NACC1: variants seen among roughly 807,000 people sequenced by gnomAD.
NACC1 encodes the protein nucleus accumbens-associated protein 1.
NACC1 carries 6 observed loss-of-function variants against 41.7 expected under a neutral mutation model. That is an observed-to-expected ratio of 0.14 (90% CI 0.08 to 0.28). The LOEUF (loss-of-function observed/expected upper bound fraction) is 0.28. Among genes scored for constraint, NACC1 ranks in the 10% least tolerant of loss-of-function variants. The pLI, the probability that NACC1 is intolerant of heterozygous loss-of-function variation, is 1.00. For synonymous variants in NACC1, 338 were observed against 330.6 expected, an observed-to-expected ratio of 1.02 and a Z score of -0.24; for missense variants, 434 against 763.7, an observed-to-expected ratio of 0.57 and a Z score of 5.09.
intron 1 of NACC1, among the ~76,000 whole-genome samples, chr19:13,121,957 C>T (rs1247522228): frequency 3.3e-5 from 5 of 152,232 alleles, no homozygotes; most frequent in South Asian, 4.1e-4. Context: ...CCTGTGCCGC[C>T]TTCCAGCCAC....
At position 13,138,714 on chromosome 19, in the gene NACC1, G is replaced by T; in HGVS notation, c.*308G>T. On this transcript the variant is annotated 3_prime_UTR_variant, in exon 6 of 6. Transcript: ENST00000292431. This position sits in a 1 kb window ranked among gnomAD's most constrained non-coding sequence, Gnocchi z 5.7. ...CACTCACCAGGCCCACCAGGGGAGG[G>T]GGCTGGCCTGGGGGTCTTGGGAAGG... 2.5e-6 allele frequency: 1 copy of T among 401,584 alleles called. No individual in the cohort carries two copies. 24.9% of individuals were successfully genotyped at this position (401,584 alleles called of 1,614,324 possible).
At position 13,133,733 on chromosome 19, in the gene NACC1, G is replaced by A. The variant is rs764139904; in HGVS notation, c.-8-1467G>A. On this transcript the variant is annotated intron_variant, in intron 1 of 5. Coordinates refer to ENST00000292431, the MANE Select transcript of NACC1 (RefSeq NM_052876.4). Reference sequence around the variant, plus strand: ...TATTGTGAATAATGCTGCTGTGAACGTTTGTTTACAGGTTTTCAATGCAGG... The same window carrying A: ...TATTGTGAATAATGCTGCTGTGAACATTTGTTTACAGGTTTTCAATGCAGG... Among the ~76,000 whole-genome samples the A allele has an allele frequency of 4.6e-5, 7 of 152,128 alleles. No individual in the cohort carries two copies. The South Asian group carries it at 1.0e-3, about 23-fold the overall frequency.
chr19:13,135,784 G>A lies in NACC1; in HGVS notation c.577G>A (p.Ala193Thr). The A allele has an allele frequency of 1.9e-6, 3 of 1,557,612 alleles. No homozygotes were observed. Among genetic ancestry groups the A allele is most frequent in the Non-Finnish European group, 2.6e-6 (3 of 1,152,368 alleles). ...KRLWDSGQKE[A>T]GGGGNGSRKM... is the part of the protein sequence containing the mutation. ...GCTGTGGGACAGTGGCCAGAAGGAG[G>A]CTGGGGGCGGCGGCAATGGCAGCCG... The change falls in exon 2 of 6, where the codon GCT becomes ACT. Residue 193 changes from alanine (A) to threonine (T), a missense_variant. Around this residue, in one of 4 missense-constraint regions of NACC1, gnomAD observed 234 missense variants for 308.3 expected, o/e 0.76. Transcript: ENST00000292431.
chr19:13,138,377 G>C lies in NACC1; in HGVS notation c.1555G>C (p.Ala519Pro). The change falls in exon 6 of 6, where the codon GCG becomes CCG. Residue 519 changes from alanine (A) to proline (P), a missense_variant. Coordinates refer to ENST00000292431, the MANE Select transcript of NACC1 (RefSeq NM_052876.4). The surrounding 1 kb of genome is among the most constrained non-coding windows in gnomAD (Gnocchi z 5.7). Reference protein sequence around the residue: ...GFETASHEGEAGPSAEALQ With the variant: ...GFETASHEGEPGPSAEALQ ...CGAGACCGCCAGCCACGAGGGCGAG[G>C]CGGGTCCCTCGGCTGAAGCCCTGCA... 1 of 1,612,738 alleles carries C rather than the reference G, an allele frequency of 6.2e-7. No homozygotes were observed. Among genetic ancestry groups the C allele is most frequent in the Non-Finnish European group, 8.5e-7 (1 of 1,179,962 alleles).
At chr19:13,121,570 T>G (rs1009995971) in intron 1 of NACC1, among the ~76,000 whole-genome samples, 2 of 152,026 alleles carry the variant, frequency 1.3e-5, no homozygotes, top group Admixed American at 6.6e-5. Context: ...ATTGAAGGAG[T>G]CTGCCTGGAG....
chr19:13,133,900 A>G (rs901271469), intron 1 of NACC1, among the ~76,000 whole-genome samples: 1 of 152,136 alleles, frequency 6.6e-6, no homozygotes, highest in Non-Finnish European at 1.5e-5. Flanking sequence ...AGCAGTGGAA[A>G]TGGGTTCTGG....
In NACC1 at chr19:13,135,450, C is replaced by T; in HGVS notation, c.243C>T (p.Ile81=). 1 of 1,613,124 alleles carries T rather than the reference C, an allele frequency of 6.2e-7. No individual in the cohort carries two copies. The highest frequency in any genetic ancestry group is 8.5e-7 in the Non-Finnish European group (1 of 1,179,610). ...AAVQPQSFQQ[I]LSFCYTGRLS... Reference sequence around the variant, plus strand: ...TGCAGCCCCAGTCTTTCCAGCAGATCCTCAGCTTCTGCTACACGGGCCGGC... The same window carrying T: ...TGCAGCCCCAGTCTTTCCAGCAGATTCTCAGCTTCTGCTACACGGGCCGGC... The change falls in exon 2 of 6, where the codon ATC becomes ATT. Residue 81 remains isoleucine (I), a synonymous_variant. Transcript: ENST00000292431.
At position 13,136,053 on chromosome 19, in the gene NACC1, G is replaced by C. The variant is rs760172169; in HGVS notation, c.846G>C (p.Glu282Asp). 2 of 1,614,168 alleles carry C rather than the reference G, an allele frequency of 1.2e-6. No homozygotes were observed. Among genetic ancestry groups the C allele is most frequent in the Non-Finnish European group, 8.5e-7 (1 of 1,180,028 alleles). Reference protein sequence around the residue: ...SDSPGSYHNEEDEEEDGGEEG... With the variant: ...SDSPGSYHNEDDEEEDGGEEG... ...GCCCTGGCTCCTACCACAATGAGGA[G>C]GACGAGGAGGAGGATGGTGGCGAGG... The change falls in exon 2 of 6, where the codon GAG (glutamate) becomes GAC (aspartate). Residue 282 changes from glutamate (E) to aspartate (D), a missense_variant. This residue lies in a region of NACC1 where 234 missense variants were observed against 308.3 expected (regional missense o/e 0.76). Transcript: ENST00000292431. This position sits in a 1 kb window ranked among gnomAD's most constrained non-coding sequence, Gnocchi z 5.5.
At chr19:13,118,681 C>T (rs1346133343) in intron 1 of NACC1, among the ~76,000 whole-genome samples, 2 of 150,866 alleles carry the variant, frequency 1.3e-5, no homozygotes, top group African/African-American at 2.4e-5. Flanking sequence ...CTGGACCGCT[C>T]CCCCGTCTCC....
At chr19:13,133,066 A>G (rs1243113378) in intron 1 of NACC1, among the ~76,000 whole-genome samples, 2 of 152,126 alleles carry the variant, frequency 1.3e-5, no homozygotes, top group East Asian at 1.9e-4. Context: ...GGCAGATCTG[A>G]GTGGAGTTGC....
rs894463059 is a variant in NACC1 at position 13,138,610 on chromosome 19, C to G, written c.*204C>G. The G allele has an allele frequency of 1.4e-6, 1 of 707,044 alleles. No homozygotes were observed. Among genetic ancestry groups the G allele is most frequent in the Admixed American group, 2.9e-5 (1 of 34,338 alleles). 43.8% of individuals were successfully genotyped at this position (707,044 alleles called of 1,614,324 possible). A position where few individuals can be genotyped will look rare whatever the true frequency, so the allele number is the denominator to read the frequency against. The stretch of plus-strand genomic sequence containing the variant: ...GACCGCAGGGCAGGTGGCGTGAGGT[C>G]CGTGTTGCCTTCTTTAACACACACT... On this transcript the variant is annotated 3_prime_UTR_variant, in exon 6 of 6. Coordinates refer to ENST00000292431, the MANE Select transcript of NACC1 (RefSeq NM_052876.4). This position sits in a 1 kb window ranked among gnomAD's most constrained non-coding sequence, Gnocchi z 5.7.
rs2145629992 is a variant in NACC1, at chr19:13,140,687, A to T, written c.*2281A>T. ...AGGGGAGGAAACTCCTCACCAGGAGAGCCAAAGACAGGGTTGTGCCTTACC... is the reference window on the plus strand; with the variant it reads ...AGGGGAGGAAACTCCTCACCAGGAGTGCCAAAGACAGGGTTGTGCCTTACC... On this transcript the variant is annotated 3_prime_UTR_variant, in exon 6 of 6. Coordinates refer to ENST00000292431, the MANE Select transcript of NACC1 (RefSeq NM_052876.4). The surrounding 1 kb of genome is among the most constrained non-coding windows in gnomAD (Gnocchi z 4.0). The T allele has an allele frequency of 6.6e-6, 1 of 152,358 alleles. No individual in the cohort carries two copies. The highest frequency in any genetic ancestry group is 3.4e-3 in the Middle Eastern group (1 of 294). 9.4% of individuals were successfully genotyped at this position (152,358 alleles called of 1,614,324 possible). A position where few individuals can be genotyped will look rare whatever the true frequency, so the allele number is the denominator to read the frequency against.
intron 1 of NACC1, 110 bp from the exon 2 acceptor site, chr19:13,135,074 TCCATCGTGCGGATGTC>T: frequency 7.1e-7 from 1 of 1,412,280 alleles, no homozygotes; most frequent in Non-Finnish European, 9.3e-7. Context: ...CATGGTAGAT[TCCATCGTGCGGATGTC>T]CCTCCAGCAG....
chr19:13,139,657 T>TGGCTGGGCCCAGCTCCTGGG lies in NACC1; in HGVS notation c.*1260_*1279dup, dbSNP rs1380259987. On this transcript the variant is annotated 3_prime_UTR_variant, in exon 6 of 6. Transcript: ENST00000292431. ...AAGGGTGTCCCAGGCCTTGGCTGGT[T>TGGCTGGGCCCAGCTCCTGGG]GGCTGGGCCCAGCTCCTGGGGGCTG... 6.6e-6 allele frequency: 1 copy of TGGCTGGGCCCAGCTCCTGGG among 152,338 alleles called. No individual in the cohort carries two copies. Among genetic ancestry groups the TGGCTGGGCCCAGCTCCTGGG allele is most frequent in the Non-Finnish European group, 1.5e-5 (1 of 68,192 alleles). 9.4% of individuals were successfully genotyped at this position (152,338 alleles called of 1,614,324 possible).
chr19:13,120,277 C>T (rs757183066), intron 1 of NACC1, among the ~76,000 whole-genome samples: 1 of 152,192 alleles, frequency 6.6e-6, no homozygotes, highest in Non-Finnish European at 1.5e-5. Context: ...AGGCCTGGCA[C>T]CACCAGGGCT....
intron 1 of NACC1, among the ~76,000 whole-genome samples, chr19:13,129,993 C>T (rs968810818): frequency 6.6e-6 from 1 of 151,620 alleles, no homozygotes; most frequent in Non-Finnish European, 1.5e-5. Context: ...GCCCGTTCTG[C>T]ACTGTTTTGT....
rs913560378 is a variant in NACC1 at position 13,140,627 on chromosome 19, T to TG, written c.*2228dup. The TG allele has an allele frequency of 1.2e-3, 13 of 10,792 alleles. No individual in the cohort carries two copies. Among genetic ancestry groups the TG allele is most frequent in the African/African-American group, 2.8e-3 (7 of 2,470 alleles). 0.7% of individuals were successfully genotyped at this position (10,792 alleles called of 1,614,324 possible). ...CAGGACTGTGTGTGGGTCCGGGGGG[T>TG]GGGGGGGTGGGGAGAAGGGTCGGGC... On this transcript the variant is annotated 3_prime_UTR_variant, in exon 6 of 6. Transcript: ENST00000292431. The surrounding 1 kb of genome is among the most constrained non-coding windows in gnomAD (Gnocchi z 4.0).
chr19:13,120,483 A>C (rs1014223820), intron 1 of NACC1, among the ~76,000 whole-genome samples: 1 of 152,112 alleles, frequency 6.6e-6, no homozygotes, highest in African/African-American at 2.4e-5. Flanking sequence ...TTCTGGGTTT[A>C]ATGATGGGTT....
chr19:13,129,790 G>A (rs2019609367), intron 1 of NACC1, among the ~76,000 whole-genome samples: 1 of 152,090 alleles, frequency 6.6e-6, no homozygotes, highest in East Asian at 1.9e-4. Context: ...TCTCAGGAGG[G>A]GACCTGGGCC....
Sources: allele counts gnomAD v4.1 joint callset (sites outside exome capture counted in the v4.1 genomes callset), GRCh38; gene constraint gnomAD v4.1.1; regional missense constraint gnomAD v4.1.1; non-coding constraint Gnocchi (gnomAD v3.1); transcripts MANE v1.5; gene names NCBI Gene and HGNC (gene_info 2026-07-23, HGNC 2026-07-21).